KRT40: variants seen among roughly 807,000 people sequenced by gnomAD.
KRT40 encodes the protein keratin 40.
A neutral mutation model predicts 43.5 loss-of-function variants in KRT40; 47 were observed. The observed-to-expected ratio is 1.08, with a 90% confidence interval of 0.86 to 1.38. KRT40 has a LOEUF of 1.38. Among genes scored for constraint, KRT40 ranks in the 40% most tolerant of loss-of-function variants. The pLI, the probability that KRT40 is intolerant of heterozygous loss-of-function variation, is 0.00. For synonymous variants in KRT40, 212 were observed against 214.0 expected (o/e 0.99, Z 0.08); for missense variants, 573 against 523.6 (o/e 1.09, Z -0.92).
In KRT40 at chr17:40,978,067, C is replaced by G. The variant is rs377004779; in HGVS notation, c.*130G>C. 1.5e-6 allele frequency: 1 copy of G among 665,096 alleles called. No individual in the cohort carries two copies. 41.2% of individuals were successfully genotyped at this position (665,096 alleles called of 1,614,324 possible). On this transcript the variant is annotated 3_prime_UTR_variant, in exon 7 of 7. Transcript: ENST00000377755. ...TAGTAAAGCAGAAAGACTGAGGATA[C>G]CTGGAGGGCAATTCCAGGATATGAG...
At position 40,980,866 on chromosome 17, in the gene KRT40, C is replaced by A; in HGVS notation, c.894G>T (p.Leu298=). ...NQQQLSSAEQ[L]QGCQMEILEL... is the part of the protein sequence containing the mutation. ...CCAAGATCTCCATCTGGCAGCCCTG[C>A]AGCTGCTCCGCGCTGGACAGTTGCT... The change falls in exon 5 of 7, where the codon CTG becomes CTT. Residue 298 remains leucine, a synonymous_variant. Coordinates refer to ENST00000377755, the MANE Select transcript of KRT40 (RefSeq NM_001389244.1). The A allele has an allele frequency of 6.2e-7, 1 of 1,613,662 alleles. No individual in the cohort carries two copies. The highest frequency in any genetic ancestry group is 8.5e-7 in the Non-Finnish European group (1 of 1,179,974).
chr17:40,985,980 AT>A (rs1912451520), upstream of KRT40, among the ~76,000 whole-genome samples: 2 of 152,342 alleles, frequency 1.3e-5, no homozygotes, highest in Admixed American at 1.3e-4. Flanking sequence ...CTAATTTCTA[AT>A]TGTAAATTAT....
intron 6 of KRT40, 99 bp downstream of exon 6, chr17:40,978,704 TG>T (rs1911938036): frequency 3.1e-6 from 3 of 964,492 alleles, no homozygotes; most frequent in Non-Finnish European, 4.8e-6. Context: ...CTAAACACAC[TG>T]GGGAGGTCTG....
chr17:40,984,121 C>T lies in KRT40; in HGVS notation c.153G>A (p.Arg51=), dbSNP rs142639581. ...GGAGGCAACCAGTCAGCCCGCGAGACCTGGATAGGAAGCTTGGAGTCTGAC... is the reference window on the plus strand; with the variant it reads ...GGAGGCAACCAGTCAGCCCGCGAGATCTGGATAGGAAGCTTGGAGTCTGAC... ...SRCQTPSFLS[R]SRGLTGCLLP... The change falls in exon 1 of 7, where the codon AGG becomes AGA. Residue 51 remains arginine (R), a synonymous_variant. Transcript: ENST00000377755. 4.1e-3 allele frequency: 6,587 copies of T among 1,614,082 alleles called. 31 individuals are homozygous for T. Among genetic ancestry groups the T allele is most frequent in the Non-Finnish European group, 4.0e-3 (4,673 of 1,180,028 alleles).
rs945228306 is a variant in KRT40, at chr17:40,978,028, G to A, written c.*169C>T. On this transcript the variant is annotated 3_prime_UTR_variant, in exon 7 of 7. Transcript: ENST00000377755. ...GCTTCCAGTATACCACAAATAAGCCGGAAGGAGAGGAAATAGTAAAGCAGA... is the reference window on the plus strand; with the variant it reads ...GCTTCCAGTATACCACAAATAAGCCAGAAGGAGAGGAAATAGTAAAGCAGA... 2.1e-5 allele frequency: 12 copies of A among 572,558 alleles called. No individual in the cohort carries two copies. Among genetic ancestry groups the A allele is most frequent in the South Asian group, 7.1e-5 (3 of 42,474 alleles). 35.5% of individuals were successfully genotyped at this position (572,558 alleles called of 1,614,324 possible).
In KRT40 at chr17:40,982,545, G is replaced by A. The variant is rs892374666; in HGVS notation, c.531-82C>T. ...GGGGATACATGGAGGATCGACACAC[G>A]GACTTCAGGAAGCCATGTGCATAAT... is the stretch of plus-strand genomic sequence containing the variant. On this transcript the variant is annotated intron_variant, in intron 2 of 6. Transcript: ENST00000377755. 22 of 1,141,612 alleles carry A rather than the reference G, an allele frequency of 1.9e-5. No homozygotes were observed. In the South Asian group the frequency reaches 3.0e-4, roughly 16 times the overall value. The allele number at this position is 1,141,612 out of a possible 1,614,324, so 70.7% of individuals were successfully genotyped here. A position where few individuals can be genotyped will look rare whatever the true frequency, so the allele number is the denominator to read the frequency against.
At chr17:40,978,547 T>C (rs1038838423) in intron 6 of KRT40, among the ~76,000 whole-genome samples, 11 of 152,228 alleles carry the variant, frequency 7.2e-5, no homozygotes, top group Non-Finnish European at 1.3e-4. Context: ...TATTCCTGAT[T>C]TTCCTTTAGT....
chr17:40,979,181 A>G (rs1911982502), intron 5 of KRT40, among the ~76,000 whole-genome samples, 157 bp from the exon 6 acceptor site: 1 of 152,182 alleles, frequency 6.6e-6, no homozygotes, highest in Non-Finnish European at 1.5e-5. Context: ...ATAGTGGAGA[A>G]TACAAAGTAT....
chr17:40,982,164 A>G, intron 3 of KRT40, 143 bp downstream of exon 3: 1 of 688,206 alleles, frequency 1.5e-6, no homozygotes. Flanking sequence ...GGTGTGAGCC[A>G]CCATGCCTGG....
upstream of KRT40, among the ~76,000 whole-genome samples, chr17:40,985,630 G>C (rs1912437127): frequency 6.6e-6 from 1 of 152,140 alleles, no homozygotes; most frequent in Non-Finnish European, 1.5e-5. Context: ...ATATGTAAGT[G>C]AGTTAAAATA....
At chr17:40,984,636 C>A (rs1317360883), upstream of KRT40, among the ~76,000 whole-genome samples, 2 of 152,136 alleles carry the variant, frequency 1.3e-5, no homozygotes, top group South Asian at 2.1e-4. Context: ...ATAGATACAA[C>A]TCATTACAAA....
Position 40,981,125 on chromosome 17 carries a change from A to T in KRT40, c.714T>A (p.Leu238=). 6.2e-7 allele frequency: 1 copy of T among 1,614,126 alleles called. No individual in the cohort carries two copies. The highest frequency in any genetic ancestry group is 8.5e-7 in the Non-Finnish European group (1 of 1,180,004). The change falls in exon 4 of 7, where the codon CTT becomes CTA. Residue 238 remains leucine, a synonymous_variant. Transcript: ENST00000377755. ...CCAGCTCCACACTGAGGCGGTCGCC[A>T]AGCTGTTCACGAAGCAAGTTGACTT... is the stretch of plus-strand genomic sequence containing the variant. ...EEEVNLLREQ[L]GDRLSVELDT...
At chr17:40,986,611 C>T (rs984974382), upstream of KRT40, among the ~76,000 whole-genome samples, 1 of 152,058 alleles carries the variant, frequency 6.6e-6, no homozygotes, top group Non-Finnish European at 1.5e-5. Flanking sequence ...TCTTCTTACC[C>T]CCATGCCACC....
In KRT40 at chr17:40,980,974, CA is replaced by C; in HGVS notation, c.849+15del. 6.2e-7 allele frequency: 1 copy of C among 1,612,598 alleles called. No homozygotes were observed. Among genetic ancestry groups the C allele is most frequent in the Non-Finnish European group, 8.5e-7 (1 of 1,179,736 alleles). On this transcript the variant is annotated intron_variant, in intron 4 of 6. Coordinates refer to ENST00000377755, the MANE Select transcript of KRT40 (RefSeq NM_001389244.1). ...GAAGTCTGTAAGCCTGACATTTTTT[CA>C]ATCTGGGTACTGACCTGAACAGCCA...
chr17:40,981,693 G>A (rs1397685268), intron 3 of KRT40, among the ~76,000 whole-genome samples: 1 of 152,068 alleles, frequency 6.6e-6, no homozygotes, highest in Non-Finnish European at 1.5e-5. Context: ...CTGGAGCTAG[G>A]GGTGGCATAA....
chr17:40,980,875 C>G lies in KRT40; in HGVS notation c.885G>C (p.Ala295=), dbSNP rs369156729. ...CCATCTGGCAGCCCTGCAGCTGCTCCGCGCTGGACAGTTGCTGCTGATTCA... is the reference window on the plus strand; with the variant it reads ...CCATCTGGCAGCCCTGCAGCTGCTCGGCGCTGGACAGTTGCTGCTGATTCA... The part of the protein sequence containing the change: ...EELNQQQLSS[A]EQLQGCQMEI... The change falls in exon 5 of 7, where the codon GCG becomes GCC. Residue 295 remains alanine, a synonymous_variant. Coordinates refer to ENST00000377755, the MANE Select transcript of KRT40 (RefSeq NM_001389244.1). The G allele has an allele frequency of 2.5e-6, 4 of 1,613,802 alleles. No homozygotes were observed. Among genetic ancestry groups the G allele is most frequent in the Middle Eastern group, 1.7e-4 (1 of 6,040 alleles).
In KRT40 at chr17:40,983,991, A is replaced by C; in HGVS notation, c.283T>G (p.Phe95Val). Residue 95 changes from phenylalanine to valine, a missense_variant, in exon 1 of 7, where the codon TTC (phenylalanine) becomes GTC (valine). Transcript: ENST00000377755. ...FTSNEKETMQFLNDRLASYLE... is the reference protein window; with the variant it reads ...FTSNEKETMQVLNDRLASYLE... ...TAGCTGGCGAGTCTGTCATTCAGGA[A>C]CTGCATCGTCTCCTTCTCATTGCTA... The C allele has an allele frequency of 6.2e-7, 1 of 1,614,006 alleles. No individual in the cohort carries two copies. The highest frequency in any genetic ancestry group is 8.5e-7 in the Non-Finnish European group (1 of 1,179,996).
At chr17:40,984,375 T>G, upstream of KRT40, 1 of 801,520 alleles carries the variant, frequency 1.2e-6, no homozygotes. Flanking sequence ...AATGGGTGTT[T>G]ACAGACTGCA....
Position 40,978,255 on chromosome 17 carries a change from T to C in KRT40, c.1238A>G (p.Asn413Ser). ...ATAGGCTGAGCATGGCTCACAAGTGTTGCTCGAGGTGCATGTGGTCGAACA... is the reference window on the plus strand; with the variant it reads ...ATAGGCTGAGCATGGCTCACAAGTGCTGCTCGAGGTGCATGTGGTCGAACA... ...SPCSTTCTSS[N>S]TCEPCSAYVI... The change falls in exon 7 of 7, where the codon AAC becomes AGC. Residue 413 changes from asparagine to serine, a missense_variant. By Grantham distance (46) the Asn-to-Ser change is conservative. Coordinates refer to ENST00000377755, the MANE Select transcript of KRT40 (RefSeq NM_001389244.1). 6.2e-7 allele frequency: 1 copy of C among 1,614,186 alleles called. No individual in the cohort carries two copies. Among genetic ancestry groups the C allele is most frequent in the Non-Finnish European group, 8.5e-7 (1 of 1,180,012 alleles).
Sources: allele counts gnomAD v4.1 joint callset (sites outside exome capture counted in the v4.1 genomes callset), GRCh38; gene constraint gnomAD v4.1.1; transcripts MANE v1.5; gene names NCBI Gene and HGNC (gene_info 2026-07-23, HGNC 2026-07-21).